PMS1: variants seen among roughly 807,000 people sequenced by gnomAD.
PMS1 encodes the protein PMS1 protein homolog 1.
A neutral mutation model predicts 93.1 loss-of-function variants in PMS1; 79 were observed. The ratio of observed to expected loss-of-function variants is 0.85; its 90% CI spans 0.71 to 1.02. PMS1 has a LOEUF of 1.02. Among genes scored for constraint, PMS1 ranks in the 50% least tolerant of loss-of-function variants. PMS1 has a pLI of 0.00. For synonymous variants in PMS1, 335 were observed against 363.4 expected (o/e 0.92, Z 0.89); for missense variants, 1,064 against 1,085.3 (o/e 0.98, Z 0.28).
At chr2:189,788,060 A>T (rs574211025) in intron 1 of PMS1, among the ~76,000 whole-genome samples, 2 of 143,676 alleles carry the variant, frequency 1.4e-5, no homozygotes, top group African/African-American at 2.9e-5. Context: ...ATAGAGATTT[A>T]AAAAAAAAAG....
chr2:189,864,957 C>T (rs1453422520), intron 10 of PMS1, among the ~76,000 whole-genome samples: 1 of 151,238 alleles, frequency 6.6e-6, no homozygotes, highest in East Asian at 1.9e-4. Context: ...ATACCTTTAT[C>T]AGTAATTATC....
In PMS1 at chr2:189,866,729, A is replaced by G. The variant is rs190569024; in HGVS notation, c.2343-1070A>G. 6.6e-5 allele frequency among the ~76,000 whole-genome samples: 10 copies of G among 152,348 alleles called. 1 individual carries two copies. The East Asian group carries it at 1.5e-3, about 24-fold the overall frequency. On this transcript the variant is annotated intron_variant, in intron 10 of 12. Transcript: ENST00000441310. ...TCACATCAACTTTATGAGGTAGATA[A>G]TATCCACATTTTATAGCTGAGGAAA...
intron 3 of PMS1, among the ~76,000 whole-genome samples, chr2:189,796,231 G>A (rs185046858): frequency 6.6e-5 from 10 of 152,060 alleles, no homozygotes; most frequent in South Asian, 4.2e-4. Context: ...GGTGCCTCAC[G>A]TCTGTAGTCC....
At chr2:189,874,121 C>CAA (rs1365248588) in intron 12 of PMS1, among the ~76,000 whole-genome samples, 1 of 151,896 alleles carries the variant, frequency 6.6e-6, no homozygotes, top group Non-Finnish European at 1.5e-5. Flanking sequence ...AAAGAACACT[C>CAA]TATTAAGTTT....
intron 3 of PMS1, among the ~76,000 whole-genome samples, chr2:189,799,421 C>T (rs765056282): frequency 2.0e-5 from 3 of 152,126 alleles, no homozygotes; most frequent in African/African-American, 7.2e-5. Context: ...ATCAGAACCC[C>T]AGAAGGTTCC....
intron 12 of PMS1, among the ~76,000 whole-genome samples, chr2:189,875,672 G>A (rs1427319270): frequency 1.3e-5 from 2 of 152,068 alleles, no homozygotes; most frequent in Non-Finnish European, 2.9e-5. Flanking sequence ...TGCAGAGGAG[G>A]CCAGGCTTAC....
chr2:189,792,597 A>G (rs890189408), intron 2 of PMS1, among the ~76,000 whole-genome samples: 3 of 150,614 alleles, frequency 2.0e-5, no homozygotes, highest in Non-Finnish European at 4.4e-5. Context: ...AACAATGCTG[A>G]TAGAAATATA....
At chr2:189,859,629 C>T (rs2055734992) in intron 9 of PMS1, among the ~76,000 whole-genome samples, 2 of 152,054 alleles carry the variant, frequency 1.3e-5, no homozygotes, top group African/African-American at 2.4e-5. Flanking sequence ...TCATTTTTCT[C>T]ATATTGTTGA....
chr2:189,843,502 T>C (rs749859785), intron 5 of PMS1, among the ~76,000 whole-genome samples: 4 of 152,266 alleles, frequency 2.6e-5, no homozygotes, highest in Non-Finnish European at 5.9e-5. Flanking sequence ...TTTGACTGTT[T>C]ATGTAAATCC....
chr2:189,864,308 T>G, intron 10 of PMS1, 80 bp downstream of exon 10: 4 of 985,268 alleles, frequency 4.1e-6, no homozygotes, highest in Non-Finnish European at 6.4e-6. Flanking sequence ...AGGTAGAAGG[T>G]TGGGAATGTT....
At position 189,877,441 on chromosome 2, in the gene PMS1, A is replaced by G. The variant is rs1361547893; in HGVS notation, c.*5A>G. 3.1e-6 allele frequency: 5 copies of G among 1,598,722 alleles called. No homozygotes were observed. The highest frequency in any genetic ancestry group is 4.3e-6 in the Non-Finnish European group (5 of 1,166,156). ...TATCTTCCAGAAACTACATGATTAA[A>G]TATGTTTAAGAAGATTAGTTACCAT... On this transcript the variant is annotated 3_prime_UTR_variant, in exon 13 of 13. Coordinates refer to ENST00000441310, the MANE Select transcript of PMS1 (RefSeq NM_000534.5).
chr2:189,864,670 A>C (rs1159936262), intron 10 of PMS1, among the ~76,000 whole-genome samples: 4 of 38,882 alleles, frequency 1.0e-4, no homozygotes, highest in Admixed American at 3.8e-4. Flanking sequence ...AAAAAAAAAA[A>C]AAAAAAAAAA....
intron 1 of PMS1, among the ~76,000 whole-genome samples, chr2:189,788,208 G>T (rs192895917): frequency 8.9e-4 from 135 of 152,204 alleles, no homozygotes; most frequent in Admixed American, 1.8e-3. Context: ...TAGATCCTTG[G>T]GATTTCCTAG....
intron 9 of PMS1, among the ~76,000 whole-genome samples, chr2:189,856,710 A>G (rs2055374106): frequency 6.6e-6 from 1 of 152,156 alleles, no homozygotes; most frequent in African/African-American, 2.4e-5. Context: ...AGATGTTTCA[A>G]GTTCTCATGG....
chr2:189,827,597 A>G (rs13396445), intron 5 of PMS1, among the ~76,000 whole-genome samples: 1,547 of 152,104 alleles, frequency 0.01, 21 homozygotes, highest in African/African-American at 0.035. Flanking sequence ...ATGCCCATCA[A>G]ATGATGAATG....
At chr2:189,831,243 A>G (rs889449240) in intron 5 of PMS1, among the ~76,000 whole-genome samples, 4 of 152,206 alleles carry the variant, frequency 2.6e-5, no homozygotes, top group Non-Finnish European at 5.9e-5. Context: ...AACTTTTTAA[A>G]TGAGAAAATT....
chr2:189,864,489 C>G (rs1182078924), intron 10 of PMS1: 2 of 364,396 alleles, frequency 5.5e-6, no homozygotes, highest in East Asian at 6.7e-5. Flanking sequence ...AACCCTGTCT[C>G]TACTAAAAAT....
chr2:189,877,099 T>C (rs1211494908), intron 12 of PMS1, among the ~76,000 whole-genome samples, 173 bp from the exon 13 acceptor site: 1 of 152,222 alleles, frequency 6.6e-6, no homozygotes, highest in Non-Finnish European at 1.5e-5. Flanking sequence ...TCTTGTTTTT[T>C]GGTTCACCAC....
chr2:189,844,683 C>A (rs1392206477), intron 6 of PMS1, among the ~76,000 whole-genome samples: 1 of 151,214 alleles, frequency 6.6e-6, no homozygotes, highest in African/African-American at 2.4e-5. Context: ...CCCACCTTTC[C>A]CATTCCAAAT....
Sources: gnomAD v4.1 joint callset for allele counts (sites outside exome capture counted in the v4.1 genomes callset) on GRCh38, gnomAD v4.1.1 for gene constraint, MANE v1.5 for transcripts, NCBI Gene and HGNC (gene_info 2026-07-23, HGNC 2026-07-21) for gene names.